PLEKHH3: variants seen among roughly 807,000 people sequenced by gnomAD.
PLEKHH3 encodes the protein pleckstrin homology domain-containing family H member 3.
In PLEKHH3, 57 loss-of-function variants were observed where a neutral mutation model predicts 77.8. The observed-to-expected ratio is 0.73, with a 90% CI of 0.59 to 0.91. PLEKHH3 has a LOEUF of 0.91. Ranked by LOEUF, PLEKHH3 falls within the 40% of genes least tolerant of loss-of-function variation. The pLI, the probability that PLEKHH3 is intolerant of heterozygous loss-of-function variation, is 0.00. For missense variants in PLEKHH3, 1,082 were observed against 1,091.2 expected (o/e 0.99, Z 0.12); for synonymous variants, 467 against 504.8 (o/e 0.93, Z 1.00).
intron 12 of PLEKHH3, 21 bp downstream of exon 12, chr17:42,669,409 A>G (rs775709938): frequency 6.6e-7 from 1 of 1,503,912 alleles, no homozygotes; most frequent in Non-Finnish European, 8.9e-7. Flanking sequence ...TCCTCCTCCC[A>G]CAACTCCTCT....
Position 42,676,008 on chromosome 17 carries a change from A to C in PLEKHH3, c.162+394T>G. The stretch of plus-strand genomic sequence containing the variant: ...CTCGCATCTGGCCTCCGCACTTGCG[A>C]ACTGGGAGCGGAGGGGGACCCAGGC... On this transcript the variant is annotated intron_variant, in intron 1 of 12. Transcript: ENST00000591022. This position sits in a 1 kb window ranked among gnomAD's most constrained non-coding sequence, Gnocchi z 6.6. 9.3e-7 allele frequency: 1 copy of C among 1,075,884 alleles called. No homozygotes were observed. The highest frequency in any genetic ancestry group is 3.1e-5 in the South Asian group (1 of 32,702). The allele number at this position is 1,075,884 out of a possible 1,614,324, so 66.6% of individuals were successfully genotyped here.
intron 11 of PLEKHH3, 28 bp from the exon 12 acceptor site, chr17:42,669,649 GGAA>G (rs2143552377): frequency 6.3e-7 from 1 of 1,586,490 alleles, no homozygotes; most frequent in African/African-American, 1.3e-5. Flanking sequence ...GAGTCAGGGT[GGAA>G]GGAGGAGCCC....
At chr17:42,669,408 C>G (rs1038843355) in intron 12 of PLEKHH3, 22 bp downstream of exon 12, 1 of 1,505,220 alleles carries the variant, frequency 6.6e-7, no homozygotes, top group East Asian at 2.3e-5. Flanking sequence ...CTCCTCCTCC[C>G]ACAACTCCTC....
At chr17:42,669,684 A>AG in intron 11 of PLEKHH3, 63 bp from the exon 12 acceptor site, 1 of 1,527,534 alleles carries the variant, frequency 6.5e-7, no homozygotes, top group African/African-American at 1.4e-5. Flanking sequence ...TGGTAGGGGG[A>AG]GATGGGTGTC....
chr17:42,670,387 G>T lies in PLEKHH3; in HGVS notation c.1555-11C>A. The T allele has an allele frequency of 6.9e-7, 1 of 1,440,582 alleles. No homozygotes were observed. The highest frequency in any genetic ancestry group is 1.5e-5 in the South Asian group (1 of 68,472). The allele number at this position is 1,440,582 out of a possible 1,614,324, so 89.2% of individuals were successfully genotyped here. A position where few individuals can be genotyped will look rare whatever the true frequency, so the allele number is the denominator to read the frequency against. ...CAGCAGAGCGTGAGCCTGCAGGGGA[G>T]GCACCCGGCGTCAGTGTACGAGCGG... On this transcript the variant is annotated splice_polypyrimidine_tract_variant and intron_variant, in intron 10 of 12. Coordinates refer to ENST00000591022, the MANE Select transcript of PLEKHH3 (RefSeq NM_024927.5).
chr17:42,670,487 C>T, intron 10 of PLEKHH3, 86 bp downstream of exon 10: 5 of 1,533,278 alleles, frequency 3.3e-6, no homozygotes, highest in Non-Finnish European at 8.8e-7. Context: ...CGCGGGGCTG[C>T]CATAGTGATG....
chr17:42,671,442 A>T lies in PLEKHH3; in HGVS notation c.1193T>A (p.Leu398Ter). 1 of 1,613,142 alleles carries T rather than the reference A, an allele frequency of 6.2e-7. No individual in the cohort carries two copies. ...ACACAGCAGCTCCTGCCGTTGGCTC[A>T]ACGCGGAAATCTCCGCCAGCGAGGG... ...LVPSLAEISALSQRQELLCTV... is the reference protein window; with the variant it reads ...LVPSLAEISA The change falls in exon 8 of 13, where the codon TTG (leucine) becomes TAG (stop). Residue 398 changes from leucine to a stop codon, truncating the protein, a stop_gained. Coordinates refer to ENST00000591022, the MANE Select transcript of PLEKHH3 (RefSeq NM_024927.5). LOFTEE classifies it high-confidence loss of function. The surrounding 1 kb of genome is among the most constrained non-coding windows in gnomAD (Gnocchi z 4.7).
chr17:42,676,430 C>T lies in PLEKHH3; in HGVS notation c.134G>A (p.Arg45Gln). 6.2e-7 allele frequency: 1 copy of T among 1,613,462 alleles called. No homozygotes were observed. The highest frequency in any genetic ancestry group is 8.5e-7 in the Non-Finnish European group (1 of 1,179,960). Residue 45 changes from arginine (R) to glutamine (Q), a missense_variant, in exon 1 of 13, where the codon CGG becomes CAG. Transcript: ENST00000591022. The surrounding 1 kb of genome is among the most constrained non-coding windows in gnomAD (Gnocchi z 6.6). ...EDEDEETFELRTPSPAGGGRG... is the reference protein window; with the variant it reads ...EDEDEETFELQTPSPAGGGRG... Reference sequence around the variant, plus strand: ...CCCGCCGCCCGCTGGACTCGGGGTCCGCAGCTCAAAGGTTTCCTCGTCCTC... The same window carrying T: ...CCCGCCGCCCGCTGGACTCGGGGTCTGCAGCTCAAAGGTTTCCTCGTCCTC...
In PLEKHH3 at chr17:42,668,124, G is replaced by A. The variant is rs770760062; in HGVS notation, c.*3C>T. 2 of 1,424,932 alleles carry A rather than the reference G, an allele frequency of 1.4e-6. No individual in the cohort carries two copies. The highest frequency in any genetic ancestry group is 3.3e-5 in the South Asian group (2 of 60,886). The allele number at this position is 1,424,932 out of a possible 1,614,324, so 88.3% of individuals were successfully genotyped here. On this transcript the variant is annotated 3_prime_UTR_variant, in exon 13 of 13. Transcript: ENST00000591022. ...GGAGGGAAGTCGTGACCTCTTGGCA[G>A]GCTCAGTCCTGCAGCTGCCCCAAGC...
In PLEKHH3 at chr17:42,673,392, T is replaced by C. The variant is rs2052745246; in HGVS notation, c.648+7A>G. 1 of 1,613,212 alleles carries C rather than the reference T, an allele frequency of 6.2e-7. No individual in the cohort carries two copies. Among genetic ancestry groups the C allele is most frequent in the East Asian group, 2.2e-5 (1 of 44,856 alleles). On this transcript the variant is annotated splice_region_variant and intron_variant, in intron 5 of 12. Coordinates refer to ENST00000591022, the MANE Select transcript of PLEKHH3 (RefSeq NM_024927.5). ...CCACCACTCTCCTGGCTCTCCCTGGTGTGTACCTGTATGTCCCTGAGCAGT... is the reference window on the plus strand; with the variant it reads ...CCACCACTCTCCTGGCTCTCCCTGGCGTGTACCTGTATGTCCCTGAGCAGT...
intron 2 of PLEKHH3, 29 bp from the exon 3 acceptor site, chr17:42,674,042 C>G: frequency 2.5e-6 from 4 of 1,608,084 alleles, no homozygotes; most frequent in Non-Finnish European, 3.4e-6. Flanking sequence ...AAGGTTGGGT[C>G]TCCACTCTGC....
rs1030844335 is a variant in PLEKHH3, at chr17:42,676,046, C to A, written c.162+356G>T. The A allele has an allele frequency of 8.8e-7, 1 of 1,134,910 alleles. No individual in the cohort carries two copies. Among genetic ancestry groups the A allele is most frequent in the Non-Finnish European group, 1.1e-6 (1 of 924,168 alleles). The allele number at this position is 1,134,910 out of a possible 1,614,324, so 70.3% of individuals were successfully genotyped here. A position where few individuals can be genotyped will look rare whatever the true frequency, so the allele number is the denominator to read the frequency against. ...GGGGGACCCAGGCGTTCGAGCCGCC[C>A]AGCCGGCCTCGCCACATTCCTCGGC... On this transcript the variant is annotated intron_variant, in intron 1 of 12. Coordinates refer to ENST00000591022, the MANE Select transcript of PLEKHH3 (RefSeq NM_024927.5). The surrounding 1 kb of genome is among the most constrained non-coding windows in gnomAD (Gnocchi z 6.6).
intron 12 of PLEKHH3, chr17:42,669,211 A>G: frequency 2.3e-6 from 1 of 440,736 alleles, no homozygotes; most frequent in Non-Finnish European, 3.8e-6. Flanking sequence ...TTCCTGTCAC[A>G]TCACTCTTTC....
At position 42,673,799 on chromosome 17, in the gene PLEKHH3, G is replaced by C. The variant is rs114759470; in HGVS notation, c.334C>G (p.Arg112Gly). ...LYREPRGGGA[R>G]PWLPPRRAWF... Reference sequence around the variant, plus strand: ...GCTCGGCGCGGGGGCAGCCAGGGCCGCGCCCCTCCTCCGCGGGGCTCCCGG... The same window carrying C: ...GCTCGGCGCGGGGGCAGCCAGGGCCCCGCCCCTCCTCCGCGGGGCTCCCGG... Residue 112 changes from arginine (R) to glycine (G), a missense_variant, in exon 4 of 13, where the codon CGG becomes GGG. Physicochemically the swap from Arg to Gly is moderately radical, Grantham distance 125. Around this residue, in one of 3 missense-constraint regions of PLEKHH3, gnomAD observed 344 missense variants for 320.8 expected, o/e 1.07. Coordinates refer to ENST00000591022, the MANE Select transcript of PLEKHH3 (RefSeq NM_024927.5). The C allele has an allele frequency of 6.3e-7, 1 of 1,589,002 alleles. No individual in the cohort carries two copies. Among genetic ancestry groups the C allele is most frequent in the East Asian group, 2.3e-5 (1 of 44,100 alleles).
rs1209702471 is a variant in PLEKHH3, at chr17:42,670,291, T to C, written c.1640A>G (p.Gln547Arg). The C allele has an allele frequency of 1.5e-6, 2 of 1,343,442 alleles. No homozygotes were observed. The highest frequency in any genetic ancestry group is 3.1e-5 in the East Asian group (1 of 32,452). The allele number at this position is 1,343,442 out of a possible 1,614,324, so 83.2% of individuals were successfully genotyped here. A position where few individuals can be genotyped will look rare whatever the true frequency, so the allele number is the denominator to read the frequency against. ...GGGCACCCGCGGAGAGAAGTCCCGC[T>C]GCAGGCTCTGCAGGCGCAGCGCCGC... ...ALAALRLQSL[Q>R]RDFSPRVPLP... Residue 547 changes from glutamine to arginine, a missense_variant, in exon 11 of 13, where the codon CAG (glutamine) becomes CGG (arginine). By Grantham distance (43) the Gln-to-Arg change is conservative. This residue lies in a region of PLEKHH3 where 733 missense variants were observed against 750.0 expected (regional missense o/e 0.98). Coordinates refer to ENST00000591022, the MANE Select transcript of PLEKHH3 (RefSeq NM_024927.5).
Position 42,669,906 on chromosome 17 carries a change from T to G in PLEKHH3, c.2013+12A>C, listed in dbSNP as rs560805536. The G allele has an allele frequency of 6.2e-7, 1 of 1,613,224 alleles. No individual in the cohort carries two copies. Among genetic ancestry groups the G allele is most frequent in the Non-Finnish European group, 8.5e-7 (1 of 1,179,784 alleles). ...GGGCCGCCAGAGTCCCCTTCTCCCT[T>G]CTCCCCCTCACCGTGCTCAGCTCCA... On this transcript the variant is annotated intron_variant, in intron 11 of 12. Transcript: ENST00000591022.
Position 42,676,145 on chromosome 17 carries a change from C to T in PLEKHH3, c.162+257G>A, listed in dbSNP as rs555315400. On this transcript the variant is annotated intron_variant, in intron 1 of 12. Transcript: ENST00000591022. The surrounding 1 kb of genome is among the most constrained non-coding windows in gnomAD (Gnocchi z 6.6). ...AGGGAGAGGCAGGGCCAGGTCGGGCCACGCGTGACGCCTCCCCTGCCTCAG... is the reference window on the plus strand; with the variant it reads ...AGGGAGAGGCAGGGCCAGGTCGGGCTACGCGTGACGCCTCCCCTGCCTCAG... The T allele has an allele frequency of 2.0e-4, 273 of 1,361,242 alleles. No homozygotes were observed. Among genetic ancestry groups the T allele is most frequent in the Admixed American group, 3.0e-4 (9 of 30,398 alleles). 84.3% of individuals were successfully genotyped at this position (1,361,242 alleles called of 1,614,324 possible).
At chr17:42,675,527 T>C (rs1360430368) in intron 1 of PLEKHH3, among the ~76,000 whole-genome samples, 2 of 152,152 alleles carry the variant, frequency 1.3e-5, no homozygotes, top group Admixed American at 6.5e-5. Context: ...CCCTCCTCTA[T>C]ATTTATCCAC....
Position 42,669,633 on chromosome 17 carries a change from G to C in PLEKHH3, c.2014-12C>G, listed in dbSNP as rs760056089. On this transcript the variant is annotated splice_polypyrimidine_tract_variant and intron_variant, in intron 11 of 12. Coordinates refer to ENST00000591022, the MANE Select transcript of PLEKHH3 (RefSeq NM_024927.5). ...CCCCGACCAGGCTCCTGCAGACAGAGAGGCAGAGTCAGGGTGGAAGGAGGA... is the reference window on the plus strand; with the variant it reads ...CCCCGACCAGGCTCCTGCAGACAGACAGGCAGAGTCAGGGTGGAAGGAGGA... 6.3e-7 allele frequency: 1 copy of C among 1,596,068 alleles called. No homozygotes were observed. The highest frequency in any genetic ancestry group is 8.6e-7 in the Non-Finnish European group (1 of 1,167,126).
Sources: gnomAD v4.1 joint callset for allele counts (sites outside exome capture counted in the v4.1 genomes callset) on GRCh38, gnomAD v4.1.1 for gene constraint, gnomAD v4.1.1 regional missense constraint, Gnocchi (gnomAD v3.1) non-coding constraint, MANE v1.5 for transcripts, NCBI Gene and HGNC (gene_info 2026-07-23, HGNC 2026-07-21) for gene names.